The following CENPN variants were observed in gnomAD, a reference collection of about 807,000 sequenced individuals.
CENPN encodes centromere protein N.
CENPN carries 36 observed loss-of-function variants against 48.6 expected under a neutral mutation model. That is an observed-to-expected ratio of 0.74 (90% confidence interval 0.57 to 0.98). CENPN has a LOEUF of 0.98. CENPN is among the 50% of genes least tolerant of loss of function. CENPN has a pLI of 0.00. For missense variants in CENPN, 439 were observed against 399.2 expected, an observed-to-expected ratio of 1.10 and a Z score of -0.85; for synonymous variants, 166 against 135.2, an observed-to-expected ratio of 1.23 and a Z score of -1.58.
Position 81,025,689 on chromosome 16 carries a change from C to CTTTTT in CENPN, c.698-836_698-835insTTTTT, listed in dbSNP as rs761078576. On this transcript the variant is annotated intron_variant, in intron 8 of 10. Coordinates refer to ENST00000305850, the MANE Select transcript of CENPN (RefSeq NM_001100624.3). Reference sequence around the variant, plus strand: ...TGGGCAACATAGTGAGACCCTGTCTCTCTTTTTTTTTTTTTTTTTTTTTTT... The same window carrying CTTTTT: ...TGGGCAACATAGTGAGACCCTGTCTCTTTTTTCTTTTTTTTTTTTTTTTTTTTTTT... Among the ~76,000 whole-genome samples the CTTTTT allele has an allele frequency of 1.6e-4, 22 of 135,232 alleles. 5 individuals carry two copies. The highest frequency in any genetic ancestry group is 6.2e-4 in the African/African-American group (21 of 34,032). 88.7% of individuals were successfully genotyped at this position (135,232 alleles called of 152,430 possible). A position where few individuals can be genotyped will look rare whatever the true frequency, so the allele number is the denominator to read the frequency against.
intron 8 of CENPN, among the ~76,000 whole-genome samples, chr16:81,025,656 G>A (rs757109386): frequency 6.8e-6 from 1 of 147,790 alleles, no homozygotes; most frequent in Non-Finnish European, 1.5e-5. Context: ...AAGAGATCCA[G>A]TCCAGACTGG....
At chr16:81,022,487 A>G in intron 6 of CENPN, 110 bp from the exon 7 acceptor site, 1 of 896,026 alleles carries the variant, frequency 1.1e-6, no homozygotes, top group Non-Finnish European at 1.7e-6. Flanking sequence ...TTCTTTTTAC[A>G]CTTACGGGGA....
chr16:81,009,765 G>T (rs1966730370), intron 1 of CENPN, among the ~76,000 whole-genome samples: 1 of 152,174 alleles, frequency 6.6e-6, no homozygotes, highest in African/African-American at 2.4e-5. Context: ...TTTGTCCCTG[G>T]AATTCCCACA....
At chr16:81,017,520 A>AG (rs113803434) in intron 4 of CENPN, 135 bp downstream of exon 4, 47 of 706,334 alleles carry the variant, frequency 6.7e-5, no homozygotes, top group East Asian at 3.3e-4. Context: ...CAAAAAAAAA[A>AG]AATAGCAGTA....
rs749357090 is a variant in CENPN at position 81,014,144 on chromosome 16, T to C, written c.180T>C (p.Arg60=). 2 of 1,613,498 alleles carry C rather than the reference T, an allele frequency of 1.2e-6. No individual in the cohort carries two copies. Among genetic ancestry groups the C allele is most frequent in the South Asian group, 2.2e-5 (2 of 91,072 alleles). ...QHLIHLCEEK[R]ASISDAALLD... ...TTTGTTTTCTCTTTTAGGAAAAGCG[T>C]GCAAGTATCAGTGATGCTGCCCTGT... is the stretch of plus-strand genomic sequence containing the variant. Residue 60 remains arginine, a synonymous_variant, in exon 3 of 11, where the codon CGT becomes CGC. Transcript: ENST00000305850.
rs940081873 is a variant in CENPN at position 81,013,442 on chromosome 16, A to C, written c.172-694A>C. 2.6e-5 allele frequency among the ~76,000 whole-genome samples: 4 copies of C among 152,182 alleles called. No homozygotes were observed. The East Asian group carries it at 5.8e-4, about 22-fold the overall frequency. On this transcript the variant is annotated intron_variant, in intron 2 of 10. Coordinates refer to ENST00000305850, the MANE Select transcript of CENPN (RefSeq NM_001100624.3). ...AAGTGGGCGGTGATAAGAAAGGGAC[A>C]CAAGACTGGACTCAGTGGCTCCTGC...
At chr16:81,008,092 G>C (rs528926244) in intron 1 of CENPN, among the ~76,000 whole-genome samples, 11 of 152,190 alleles carry the variant, frequency 7.2e-5, no homozygotes, top group African/African-American at 2.6e-4. Context: ...GGGCGACAAA[G>C]CGAGACTGTG....
At chr16:81,026,155 GTGTATATATA>G (rs2151709253) in intron 8 of CENPN, among the ~76,000 whole-genome samples, 1 of 83,410 alleles carries the variant, frequency 1.2e-5, no homozygotes, top group African/African-American at 3.6e-5. Flanking sequence ...ATATATATAT[GTGTATATATA>G]TGTGTATATA....
chr16:81,021,654 T>A (rs1220316338), intron 6 of CENPN, among the ~76,000 whole-genome samples: 1 of 152,108 alleles, frequency 6.6e-6, no homozygotes, highest in East Asian at 1.9e-4. Context: ...TTCTTTACAT[T>A]TGGGGTCTCC....
downstream of CENPN, chr16:81,033,042 A>C: frequency 6.1e-6 from 1 of 165,012 alleles, no homozygotes; most frequent in Non-Finnish European, 1.3e-5. Flanking sequence ...AGAGCTCTAA[A>C]ATGGAGTTGG....
intron 5 of CENPN, among the ~76,000 whole-genome samples, chr16:81,018,736 G>A (rs1182588095): frequency 6.6e-6 from 1 of 152,188 alleles, no homozygotes; most frequent in African/African-American, 2.4e-5. Flanking sequence ...GCCATACCCT[G>A]GACTGGGGAG....
chr16:81,008,306 C>T (rs775715326), intron 1 of CENPN, among the ~76,000 whole-genome samples: 4 of 152,132 alleles, frequency 2.6e-5, no homozygotes, highest in African/African-American at 9.7e-5. Flanking sequence ...GCCCTCCTCA[C>T]AGTTTAATTT....
rs186239724 is a variant in CENPN at position 81,014,509 on chromosome 16, C to T, written c.217+328C>T. The T allele has an allele frequency of 3.8e-5, 9 of 235,396 alleles. No individual in the cohort carries two copies. In the East Asian group the frequency reaches 6.2e-4, roughly 16 times the overall value. The allele number at this position is 235,396 out of a possible 1,614,324, so 14.6% of individuals were successfully genotyped here. A position where few individuals can be genotyped will look rare whatever the true frequency, so the allele number is the denominator to read the frequency against. On this transcript the variant is annotated intron_variant, in intron 3 of 10. Transcript: ENST00000305850. ...AAGTGCTGGGATTATAGGTGTGAACCGCTGTACTTGTCCCAGAAGCAATTT... is the reference window on the plus strand; with the variant it reads ...AAGTGCTGGGATTATAGGTGTGAACTGCTGTACTTGTCCCAGAAGCAATTT...
intron 2 of CENPN, 103 bp from the exon 3 acceptor site, chr16:81,014,033 G>C (rs1969843253): frequency 3.7e-6 from 3 of 816,910 alleles, no homozygotes; most frequent in Non-Finnish European, 6.1e-6. Flanking sequence ...AAAGTACTGA[G>C]AATGTGCTAA....
Position 81,029,152 on chromosome 16 carries a change from C to A in CENPN, c.*501C>A, listed in dbSNP as rs1970653464. On this transcript the variant is annotated 3_prime_UTR_variant, in exon 11 of 11. Transcript: ENST00000305850. ...TCTATTCAAAGGATGGAGTTGAGTC[C>A]ATTCTGTTATTGTTGCAAGAGGTTG... is the stretch of plus-strand genomic sequence containing the variant. The A allele has an allele frequency of 1.0e-6, 1 of 985,048 alleles. No homozygotes were observed. The highest frequency in any genetic ancestry group is 1.7e-5 in the African/African-American group (1 of 57,194). 61.0% of individuals were successfully genotyped at this position (985,048 alleles called of 1,614,324 possible). A position where few individuals can be genotyped will look rare whatever the true frequency, so the allele number is the denominator to read the frequency against.
intron 1 of CENPN, among the ~76,000 whole-genome samples, chr16:81,009,212 G>A (rs951424509): frequency 1.3e-5 from 2 of 152,072 alleles, no homozygotes; most frequent in South Asian, 2.1e-4. Flanking sequence ...GCAAGATTCC[G>A]TCTAAAAAAA....
intron 5 of CENPN, among the ~76,000 whole-genome samples, chr16:81,019,110 T>G (rs569261031): frequency 6.6e-6 from 1 of 152,358 alleles, no homozygotes; most frequent in African/African-American, 2.4e-5. Context: ...CTGAGCTAAA[T>G]GCATAAGAGC....
chr16:81,017,720 T>C, intron 4 of CENPN, 38 bp from the exon 5 acceptor site: 1 of 1,386,734 alleles, frequency 7.2e-7, no homozygotes, highest in Non-Finnish European at 1.0e-6. Context: ...ACATTGTAGC[T>C]CCCTTGATTT....
intron 1 of CENPN, among the ~76,000 whole-genome samples, chr16:81,007,907 G>C (rs541848591): frequency 8.9e-4 from 136 of 152,256 alleles, no homozygotes; most frequent in African/African-American, 3.2e-3. Flanking sequence ...AGGAGTTCGA[G>C]ACCAGCCTGG....
Sources: gnomAD v4.1 joint callset for allele counts (sites outside exome capture counted in the v4.1 genomes callset) on GRCh38, gnomAD v4.1.1 for gene constraint, MANE v1.5 for transcripts, NCBI Gene and HGNC (gene_info 2026-07-23, HGNC 2026-07-21) for gene names.